MYOF: variants seen among roughly 807,000 people sequenced by gnomAD.
The protein encoded by MYOF is fer-1-like 3, myoferlin.
MYOF carries 244 observed loss-of-function variants against 284.2 expected under a neutral mutation model. The ratio of observed to expected loss-of-function variants is 0.86; its 90% confidence interval spans 0.77 to 0.95. The LOEUF is 0.95. Ranked by LOEUF, MYOF falls within the 40% of genes least tolerant of loss-of-function variation. The probability of loss-of-function intolerance (pLI) is 0.00; values close to 1 mark genes in which losing one functional copy is unlikely to be tolerated. For synonymous variants in MYOF, 904 were observed against 919.7 expected (o/e 0.98, Z 0.31); for missense variants, 2,496 against 2,560.6 (o/e 0.97, Z 0.54).
chr10:93,450,994 A>T (rs562709020), intron 3 of MYOF, among the ~76,000 whole-genome samples: 75 of 152,284 alleles, frequency 4.9e-4, no homozygotes, highest in African/African-American at 1.7e-3. Flanking sequence ...ATGCCCTGTC[A>T]CTAGGCAATT....
chr10:93,329,079 C>T (rs1185404566), intron 44 of MYOF, among the ~76,000 whole-genome samples, 168 bp from the exon 45 acceptor site: 1 of 152,152 alleles, frequency 6.6e-6, no homozygotes, highest in Non-Finnish European at 1.5e-5. Context: ...CCTAAAAACC[C>T]ATATGCTATT....
chr10:93,420,689 A>C (rs891676593), intron 5 of MYOF, among the ~76,000 whole-genome samples: 1 of 152,238 alleles, frequency 6.6e-6, no homozygotes, highest in African/African-American at 2.4e-5. Context: ...AAGAACCTTT[A>C]AAATCAATAG....
At chr10:93,447,318 G>A (rs2056459043) in intron 3 of MYOF, among the ~76,000 whole-genome samples, 1 of 152,014 alleles carries the variant, frequency 6.6e-6, no homozygotes, top group South Asian at 2.1e-4. Flanking sequence ...CCTTCCTTAA[G>A]GGCATGACTA....
intron 39 of MYOF, among the ~76,000 whole-genome samples, chr10:93,338,633 T>A (rs889492533): frequency 6.6e-6 from 1 of 152,164 alleles, no homozygotes; most frequent in Admixed American, 6.5e-5. Context: ...GCATCATGGT[T>A]CAGTTAGACC....
chr10:93,405,113 G>T (rs1847492666), intron 7 of MYOF, among the ~76,000 whole-genome samples: 1 of 139,406 alleles, frequency 7.2e-6, no homozygotes, highest in African/African-American at 3.1e-5. Context: ...TTGGACATTT[G>T]CTTTATCTCT....
chr10:93,370,572 C>G (rs745816454), intron 24 of MYOF, among the ~76,000 whole-genome samples: 13 of 152,056 alleles, frequency 8.5e-5, no homozygotes, highest in Non-Finnish European at 1.8e-4. Flanking sequence ...ACCTCAGCCT[C>G]CCAGAGTGCT....
chr10:93,402,900 CAAT>C lies in MYOF; in HGVS notation c.844-13_844-11del. 1.9e-6 allele frequency: 3 copies of C among 1,609,486 alleles called. No homozygotes were observed. The highest frequency in any genetic ancestry group is 2.6e-6 in the Non-Finnish European group (3 of 1,176,178). ...CAAATCCAACATCAATCTGGGAAAACAATAATCGAAAGTAGTCTAAGTAGATTT... is the reference window on the plus strand; with the variant it reads ...CAAATCCAACATCAATCTGGGAAAACAATCGAAAGTAGTCTAAGTAGATTT... On this transcript the variant is annotated splice_polypyrimidine_tract_variant and intron_variant, in intron 9 of 53. Coordinates refer to ENST00000359263, the MANE Select transcript of MYOF (RefSeq NM_013451.4).
At chr10:93,394,443 C>CTTTTTTTTTTTTTT (rs1193314228) in intron 16 of MYOF, among the ~76,000 whole-genome samples, 3 of 58,860 alleles carry the variant, frequency 5.1e-5, no homozygotes, top group Non-Finnish European at 1.1e-4. Flanking sequence ...TGGTCACCAT[C>CTTTTTTTTTTTTTT]TTGTCTTTTT....
chr10:93,456,803 A>C, intron 2 of MYOF, 79 bp downstream of exon 2: 1 of 1,025,914 alleles, frequency 9.7e-7, no homozygotes, highest in Non-Finnish European at 1.5e-6. Context: ...CGAAGGGAAG[A>C]GGTAACCTCT....
intron 4 of MYOF, among the ~76,000 whole-genome samples, chr10:93,429,046 G>A (rs1017371199): frequency 1.3e-5 from 2 of 152,196 alleles, no homozygotes; most frequent in Admixed American, 6.5e-5. Flanking sequence ...GTTGAAATGT[G>A]ACCTCCAATA....
chr10:93,453,593 G>A (rs113769526), intron 2 of MYOF, among the ~76,000 whole-genome samples: 4 of 151,678 alleles, frequency 2.6e-5, no homozygotes, highest in Non-Finnish European at 4.4e-5. Context: ...GCCACCACAC[G>A]TGGCCTCAGA....
intron 7 of MYOF, among the ~76,000 whole-genome samples, chr10:93,407,165 C>T (rs994561604): frequency 1.3e-5 from 2 of 152,254 alleles, no homozygotes; most frequent in East Asian, 3.9e-4. Flanking sequence ...GTGGCTCATG[C>T]CTGTAATCCC....
Position 93,310,518 on chromosome 10 carries a change from AAAG to A in MYOF, c.5999+13_5999+15del, listed in dbSNP as rs779751310. ...GCAGGTGTTTGGGGAGTGGGAGAAC[AAAG>A]AAGGCCTCTCACTTTGGTAAGTCCA... On this transcript the variant is annotated intron_variant, in intron 52 of 53. Coordinates refer to ENST00000359263, the MANE Select transcript of MYOF (RefSeq NM_013451.4). 8.7e-6 allele frequency: 14 copies of A among 1,611,822 alleles called. No homozygotes were observed. Among genetic ancestry groups the A allele is most frequent in the Admixed American group, 1.7e-5 (1 of 59,990 alleles).
chr10:93,415,927 G>A (rs529318886), intron 5 of MYOF, among the ~76,000 whole-genome samples: 1 of 152,190 alleles, frequency 6.6e-6, no homozygotes, highest in African/African-American at 2.4e-5. Context: ...TGCCCCTCTT[G>A]GGAGCAAACT....
intron 12 of MYOF, among the ~76,000 whole-genome samples, 164 bp from the exon 13 acceptor site, chr10:93,399,659 G>T (rs977118326): frequency 1.3e-5 from 2 of 152,210 alleles, no homozygotes; most frequent in East Asian, 3.9e-4. Context: ...GGATCATGAG[G>T]TCAGAAGAGC....
rs1030356825 is a variant in MYOF at position 93,380,093 on chromosome 10, G to A, written c.1877-106C>T. ...GCTGCTGATTAATCCACAGGCTTGG[G>A]GAATAGCTTGAGGTGGTCTGGTTCT... is the stretch of plus-strand genomic sequence containing the variant. On this transcript the variant is annotated intron_variant, in intron 20 of 53. Coordinates refer to ENST00000359263, the MANE Select transcript of MYOF (RefSeq NM_013451.4). 4.3e-6 allele frequency: 6 copies of A among 1,393,270 alleles called. No homozygotes were observed. The African/African-American group carries it at 8.6e-5, about 20-fold the overall frequency. The allele number at this position is 1,393,270 out of a possible 1,614,324, so 86.3% of individuals were successfully genotyped here. A position where few individuals can be genotyped will look rare whatever the true frequency, so the allele number is the denominator to read the frequency against.
intron 3 of MYOF, among the ~76,000 whole-genome samples, chr10:93,433,121 G>A (rs1280996144): frequency 1.3e-5 from 2 of 152,076 alleles, no homozygotes; most frequent in African/African-American, 4.8e-5. Flanking sequence ...TATGTATCCC[G>A]AAAACGGACA....
At chr10:93,438,271 C>T (rs1344606619) in intron 3 of MYOF, among the ~76,000 whole-genome samples, 1 of 152,156 alleles carries the variant, frequency 6.6e-6, no homozygotes, top group African/African-American at 2.4e-5. Context: ...TCTCTTCCTT[C>T]CCACGAGTCT....
intron 24 of MYOF, 55 bp from the exon 25 acceptor site, chr10:93,369,831 C>T: frequency 6.2e-7 from 1 of 1,600,656 alleles, no homozygotes; most frequent in Non-Finnish European, 8.5e-7. Context: ...AAGACTGTGA[C>T]ATTAAGTTAA....
Sources: allele counts gnomAD v4.1 joint callset (sites outside exome capture counted in the v4.1 genomes callset), GRCh38; gene constraint gnomAD v4.1.1; transcripts MANE v1.5; gene names NCBI Gene and HGNC (gene_info 2026-07-23, HGNC 2026-07-21).